CHMP3: variants seen among roughly 807,000 people sequenced by gnomAD.
CHMP3 encodes 25.1 protein.
In CHMP3, 8 loss-of-function variants were observed where a neutral mutation model predicts 27.4. The ratio of observed to expected loss-of-function variants is 0.29; its 90% CI spans 0.17 to 0.53. The LOEUF is 0.53. CHMP3 is among the 20% of genes least tolerant of loss of function. The probability of loss-of-function intolerance (pLI) is 0.96; values close to 1 mark genes in which losing one functional copy is unlikely to be tolerated. For synonymous variants in CHMP3, 86 were observed against 85.5 expected (o/e 1.01, Z -0.03); for missense variants, 208 against 271.5 (o/e 0.77, Z 1.64).
chr2:86,526,768 T>C (rs902947266), intron 3 of CHMP3, among the ~76,000 whole-genome samples: 2 of 152,102 alleles, frequency 1.3e-5, no homozygotes, highest in Non-Finnish European at 1.5e-5. Flanking sequence ...CAGGGTTTCA[T>C]TATGTTTCCC....
intron 1 of CHMP3, among the ~76,000 whole-genome samples, chr2:86,552,235 G>A (rs969021466): frequency 6.6e-6 from 1 of 152,124 alleles, no homozygotes; most frequent in Admixed American, 6.5e-5. Flanking sequence ...GAGAGGAACG[G>A]GTGGAGAGAG....
At chr2:86,544,500 A>G (rs1676487632) in intron 1 of CHMP3, among the ~76,000 whole-genome samples, 1 of 152,066 alleles carries the variant, frequency 6.6e-6, no homozygotes, top group Non-Finnish European at 1.5e-5. Flanking sequence ...GGCCTTCCGC[A>G]GTGTTTGTGT....
At chr2:86,554,816 C>CATGTGTGT (rs1553409364) in intron 1 of CHMP3, among the ~76,000 whole-genome samples, 1 of 145,384 alleles carries the variant, frequency 6.9e-6, no homozygotes, top group South Asian at 2.2e-4. Flanking sequence ...TGTGTGCGCG[C>CATGTGTGT]GTGTGTGTGT....
At chr2:86,512,445 T>C (rs560244833) in intron 3 of CHMP3, 5 of 152,360 alleles carry the variant, frequency 3.3e-5, no homozygotes, top group African/African-American at 1.2e-4. Flanking sequence ...TCTCAGGTAT[T>C]CTGCTATAGC....
At chr2:86,553,351 GA>G (rs1676985588) in intron 1 of CHMP3, among the ~76,000 whole-genome samples, 1 of 152,046 alleles carries the variant, frequency 6.6e-6, no homozygotes, top group African/African-American at 2.4e-5. Context: ...TTTATTTATT[GA>G]GATGGAGTCT....
Position 86,510,345 on chromosome 2 carries a change from A to G in CHMP3, c.408+13T>C. On this transcript the variant is annotated intron_variant, in intron 4 of 5. Coordinates refer to ENST00000263856, the MANE Select transcript of CHMP3 (RefSeq NM_016079.4). ...GGGGTTTGGAAAGGAAAGCAGGGCT[A>G]GCCCCAAGTCACCTTCATCATTTCT... is the stretch of plus-strand genomic sequence containing the variant. 1 of 1,613,348 alleles carries G rather than the reference A, an allele frequency of 6.2e-7. No individual in the cohort carries two copies. The highest frequency in any genetic ancestry group is 1.3e-5 in the African/African-American group (1 of 75,018).
At chr2:86,512,530 T>G (rs1675142640) in intron 3 of CHMP3, 1 of 152,046 alleles carries the variant, frequency 6.6e-6, no homozygotes. Flanking sequence ...AAAAAAGGTG[T>G]GGCAGGTAAA....
intron 3 of CHMP3, among the ~76,000 whole-genome samples, chr2:86,516,190 G>A (rs1370309246): frequency 6.9e-6 from 1 of 145,352 alleles, no homozygotes; most frequent in Admixed American, 6.9e-5. Context: ...ATGGCAAAAA[G>A]TGGGGAGAAG....
intron 2 of CHMP3, among the ~76,000 whole-genome samples, chr2:86,534,648 T>C (rs1676055244): frequency 1.3e-5 from 2 of 152,248 alleles, no homozygotes. Context: ...AGTCTGTTAC[T>C]GTATACAAAA....
intron 1 of CHMP3, among the ~76,000 whole-genome samples, chr2:86,545,036 C>T (rs1228829559): frequency 3.3e-4 from 17 of 51,984 alleles, no homozygotes; most frequent in African/African-American, 9.0e-4. Context: ...GGACGAAGGG[C>T]GGCCGGGCAG....
chr2:86,506,752 G>A (rs890052322), intron 5 of CHMP3, among the ~76,000 whole-genome samples: 3 of 150,942 alleles, frequency 2.0e-5, no homozygotes, highest in African/African-American at 7.3e-5. Flanking sequence ...GGACTAAGGT[G>A]TGTGCCACCA....
chr2:86,562,978 T>C (rs1021168585), intron 1 of CHMP3: 5 of 261,168 alleles, frequency 1.9e-5, no homozygotes, highest in Non-Finnish European at 3.6e-5. Context: ...GGGAAAAGGT[T>C]CCGGGCGGGT....
chr2:86,524,000 T>C (rs1053146086), intron 3 of CHMP3, among the ~76,000 whole-genome samples: 1 of 152,170 alleles, frequency 6.6e-6, no homozygotes, highest in African/African-American at 2.4e-5. Context: ...AAATTGATCA[T>C]GATAATGATG....
rs1370836925 is a variant in CHMP3, at chr2:86,504,705, C to T, written c.*1099G>A. 4 of 151,854 alleles carry T rather than the reference C, an allele frequency of 2.6e-5. No individual in the cohort carries two copies. Among genetic ancestry groups the T allele is most frequent in the African/African-American group, 9.7e-5 (4 of 41,334 alleles). 9.4% of individuals were successfully genotyped at this position (151,854 alleles called of 1,614,324 possible). On this transcript the variant is annotated 3_prime_UTR_variant, in exon 6 of 6. Coordinates refer to ENST00000263856, the MANE Select transcript of CHMP3 (RefSeq NM_016079.4). ...ACCCCATTGTTTCAGGATTTTGCTACAATATACAAAAAACAATCTGTGAGA... is the reference window on the plus strand; with the variant it reads ...ACCCCATTGTTTCAGGATTTTGCTATAATATACAAAAAACAATCTGTGAGA...
intron 2 of CHMP3, chr2:86,541,359 T>C (rs1307430201): frequency 6.6e-6 from 1 of 152,136 alleles, no homozygotes; most frequent in Non-Finnish European, 1.5e-5. Context: ...AAGACTCCAA[T>C]GGATCCTATG....
At chr2:86,552,544 C>T (rs1470188254) in intron 1 of CHMP3, among the ~76,000 whole-genome samples, 3 of 152,198 alleles carry the variant, frequency 2.0e-5, no homozygotes, top group African/African-American at 7.2e-5. Flanking sequence ...AAGAGCTGGA[C>T]ATTCACATGG....
At chr2:86,541,655 T>C (rs1676366402) in intron 2 of CHMP3, among the ~76,000 whole-genome samples, 1 of 152,152 alleles carries the variant, frequency 6.6e-6, no homozygotes, top group African/African-American at 2.4e-5. Context: ...TTTTGTCCAG[T>C]TTTTTTCTCT....
chr2:86,504,449 C>T lies in CHMP3; in HGVS notation c.*1355G>A, dbSNP rs1279151160. On this transcript the variant is annotated 3_prime_UTR_variant, in exon 6 of 6. Coordinates refer to ENST00000263856, the MANE Select transcript of CHMP3 (RefSeq NM_016079.4). Reference sequence around the variant, plus strand: ...TTTAAAATAATTTTTTAACTACACTCTGAAGATGAAATCAAGAGTAATAGG... The same window carrying T: ...TTTAAAATAATTTTTTAACTACACTTTGAAGATGAAATCAAGAGTAATAGG... 6.7e-6 allele frequency: 1 copy of T among 149,452 alleles called. No individual in the cohort carries two copies. The highest frequency in any genetic ancestry group is 1.5e-5 in the Non-Finnish European group (1 of 67,046). 9.3% of individuals were successfully genotyped at this position (149,452 alleles called of 1,614,324 possible).
rs1344088051 is a variant in CHMP3 at position 86,505,922 on chromosome 2, ACTTTACTGGGTG to A, written c.539_550del (p.Ala180_Lys183del). On this transcript the variant is annotated inframe_deletion, in exon 6 of 6. Coordinates refer to ENST00000263856, the MANE Select transcript of CHMP3 (RefSeq NM_016079.4). ...TTCTGGCTCTGGAAGGGCATCAGTC[ACTTTACTGGGTG>A]CTTTGCCCAAGGCCCCTGAAAAGAA... 4 of 1,586,736 alleles carry A rather than the reference ACTTTACTGGGTG, an allele frequency of 2.5e-6. No homozygotes were observed. The highest frequency in any genetic ancestry group is 2.6e-6 in the Non-Finnish European group (3 of 1,164,534).
Sources: gnomAD v4.1 joint callset for allele counts (sites outside exome capture counted in the v4.1 genomes callset) on GRCh38, gnomAD v4.1.1 for gene constraint, MANE v1.5 for transcripts, NCBI Gene and HGNC (gene_info 2026-07-23, HGNC 2026-07-21) for gene names.